Variants in RALYL observed in about 807,000 individuals in gnomAD.
RALYL encodes the protein RALY RNA binding protein like, also known as RNA-binding Raly-like protein.
A neutral mutation model predicts 35.1 loss-of-function variants in RALYL; 29 were observed. The ratio of observed to expected loss-of-function variants is 0.83; its 90% CI spans 0.61 to 1.13. RALYL has a LOEUF of 1.13. Among genes scored for constraint, RALYL ranks in the 50% most tolerant of loss-of-function variants. The pLI, the probability that RALYL is intolerant of heterozygous loss-of-function variation, is 0.00. For missense variants in RALYL, 359 were observed against 360.4 expected (o/e 1.00, Z 0.03); for synonymous variants, 120 against 127.6 (o/e 0.94, Z 0.40).
chr8:84,816,032 C>CAAAAAAAAA (rs5892931), intron 4 of RALYL, among the ~76,000 whole-genome samples: 38 of 84,136 alleles, frequency 4.5e-4, no homozygotes, highest in Non-Finnish European at 6.2e-4. Context: ...GACTCTGTCT[C>CAAAAAAAAA]AAAAAAAAAA....
chr8:84,868,307 C>G (rs1266611987), intron 6 of RALYL, among the ~76,000 whole-genome samples: 1 of 152,192 alleles, frequency 6.6e-6, no homozygotes, highest in Non-Finnish European at 1.5e-5. Flanking sequence ...ATCCTCCCAC[C>G]TCAGCCTCCT....
intron 6 of RALYL, among the ~76,000 whole-genome samples, chr8:84,866,567 G>A (rs887939118): frequency 5.3e-5 from 8 of 152,106 alleles, no homozygotes; most frequent in African/African-American, 1.9e-4. Flanking sequence ...CAAGGTACTT[G>A]CTTGCTGTGC....
chr8:84,453,435 TC>T (rs1419356397), intron 1 of RALYL, among the ~76,000 whole-genome samples: 1 of 151,974 alleles, frequency 6.6e-6, no homozygotes, highest in Non-Finnish European at 1.5e-5. Context: ...GATTTATTTG[TC>T]CAGTTAAGCT....
chr8:84,599,046 G>A (rs374570771), intron 2 of RALYL, among the ~76,000 whole-genome samples: 57 of 152,020 alleles, frequency 3.7e-4, no homozygotes, highest in African/African-American at 1.3e-3. Flanking sequence ...ATTCAATTTT[G>A]GTATGTCATT....
intron 1 of RALYL, among the ~76,000 whole-genome samples, chr8:84,480,785 T>C (rs545161616): frequency 6.6e-6 from 1 of 152,264 alleles, no homozygotes; most frequent in African/African-American, 2.4e-5. Flanking sequence ...TTTCTCATTC[T>C]GAGTAATAAA....
intron 1 of RALYL, among the ~76,000 whole-genome samples, chr8:84,502,352 T>A (rs554855693): frequency 6.6e-6 from 1 of 152,150 alleles, no homozygotes; most frequent in Non-Finnish European, 1.5e-5. Context: ...TCAGATGTAG[T>A]CTCACTCTGC....
rs548098131 is a variant in RALYL at position 84,290,658 on chromosome 8, T to C, written c.-24+106234T>C. On this transcript the variant is annotated intron_variant, in intron 1 of 8. Transcript: ENST00000521268. ...TTAAGGTGGGGCAGGGCATATTCAC[T>C]TCTTTTGTGATTCTTCAGTTACTTC... Among the ~76,000 whole-genome samples, 201 of 152,284 alleles carry C rather than the reference T, an allele frequency of 1.3e-3. 1 individual carries two copies. Among genetic ancestry groups the C allele is most frequent in the Non-Finnish European group, 1.8e-4 (12 of 68,020 alleles).
At chr8:84,710,490 T>G (rs1019425665) in intron 2 of RALYL, among the ~76,000 whole-genome samples, 1 of 151,758 alleles carries the variant, frequency 6.6e-6, no homozygotes, top group Admixed American at 6.6e-5. Flanking sequence ...TTAGTAGAGA[T>G]AGGGTTTCAC....
At chr8:84,737,474 A>G (rs540061492) in intron 2 of RALYL, among the ~76,000 whole-genome samples, 1 of 152,098 alleles carries the variant, frequency 6.6e-6, no homozygotes, top group Non-Finnish European at 1.5e-5. Flanking sequence ...TTACACATTT[A>G]TATAATATAC....
chr8:84,396,992 G>A (rs1861880887), intron 1 of RALYL, among the ~76,000 whole-genome samples: 1 of 152,026 alleles, frequency 6.6e-6, no homozygotes, highest in Non-Finnish European at 1.5e-5. Context: ...TAGGGACTTA[G>A]CTAATGTGGT....
At chr8:84,637,130 A>C (rs1052049342) in intron 2 of RALYL, among the ~76,000 whole-genome samples, 23 of 151,898 alleles carry the variant, frequency 1.5e-4, no homozygotes, top group Non-Finnish European at 3.1e-4. Context: ...ATGTTCCAAA[A>C]TTCTGTGAGT....
chr8:84,677,584 T>C (rs1353162142), intron 2 of RALYL, among the ~76,000 whole-genome samples: 1 of 152,172 alleles, frequency 6.6e-6, no homozygotes, highest in Non-Finnish European at 1.5e-5. Context: ...ATCTAAGAAT[T>C]TAAACTGGTG....
chr8:84,813,531 G>A (rs1441851192), intron 4 of RALYL, among the ~76,000 whole-genome samples: 2 of 152,154 alleles, frequency 1.3e-5, no homozygotes, highest in Non-Finnish European at 2.9e-5. Context: ...TGACATGTGA[G>A]TATGTAACAT....
chr8:84,308,613 T>G (rs906380825), intron 1 of RALYL, among the ~76,000 whole-genome samples: 1 of 152,152 alleles, frequency 6.6e-6, no homozygotes, highest in African/African-American at 2.4e-5. Flanking sequence ...CAAAAGCAAT[T>G]GTAAAACACT....
intron 2 of RALYL, among the ~76,000 whole-genome samples, chr8:84,711,760 ATGTGT>A (rs991574308): frequency 6.6e-6 from 1 of 152,168 alleles, no homozygotes; most frequent in African/African-American, 2.4e-5. Context: ...ATATTTATTA[ATGTGT>A]TGTGTTTTAT....
intron 1 of RALYL, among the ~76,000 whole-genome samples, chr8:84,344,591 T>C (rs1849465990): frequency 6.6e-6 from 1 of 152,092 alleles, no homozygotes; most frequent in Admixed American, 6.6e-5. Flanking sequence ...TACAGAGTTA[T>C]GATATATGTA....
chr8:84,490,233 TA>T (rs1564022776), intron 1 of RALYL, among the ~76,000 whole-genome samples: 1 of 151,846 alleles, frequency 6.6e-6, no homozygotes, highest in African/African-American at 2.4e-5. Flanking sequence ...CCCTGCCCAT[TA>T]AAAAATTTTC....
intron 3 of RALYL, among the ~76,000 whole-genome samples, chr8:84,783,170 T>G (rs1314120087): frequency 1.6e-5 from 2 of 124,644 alleles, no homozygotes; most frequent in African/African-American, 6.9e-5. Flanking sequence ...TAAAGATTTA[T>G]CTCTAAATGA....
intron 1 of RALYL, among the ~76,000 whole-genome samples, chr8:84,445,882 C>A (rs1563944497): frequency 1.3e-5 from 2 of 150,946 alleles, no homozygotes; most frequent in African/African-American, 4.9e-5. Context: ...TAATAGTATT[C>A]TTTTTTTGAT....
Sources: gnomAD v4.1 joint callset for allele counts (sites outside exome capture counted in the v4.1 genomes callset) on GRCh38, gnomAD v4.1.1 for gene constraint, MANE v1.5 for transcripts, NCBI Gene and HGNC (gene_info 2026-07-23, HGNC 2026-07-21) for gene names.